Variants in STIM2 observed in about 807,000 individuals in gnomAD.
STIM2 encodes stromal interaction molecule 2.
A neutral mutation model predicts 85.8 loss-of-function variants in STIM2; 31 were observed. The observed-to-expected ratio is 0.36, with a 90% CI of 0.27 to 0.49. The LOEUF is 0.49. Ranked by LOEUF, STIM2 falls within the 20% of genes least tolerant of loss-of-function variation. STIM2 has a pLI of 0.98. For synonymous variants in STIM2, 356 were observed against 331.1 expected (o/e 1.08, Z -0.82); for missense variants, 841 against 927.6 (o/e 0.91, Z 1.21).
chr4:27,008,187 G>A (rs1728436513), intron 8 of STIM2, among the ~76,000 whole-genome samples: 1 of 151,698 alleles, frequency 6.6e-6, no homozygotes, highest in African/African-American at 2.4e-5. Flanking sequence ...CTGAACCATA[G>A]AAATAAGAGA....
chr4:26,989,983 T>C (rs554696424), intron 3 of STIM2, among the ~76,000 whole-genome samples: 2 of 152,288 alleles, frequency 1.3e-5, no homozygotes, highest in East Asian at 1.9e-4. Flanking sequence ...AGGAAAGATA[T>C]GCTTATGGAT....
chr4:27,002,496 A>G, intron 6 of STIM2, 102 bp downstream of exon 6: 2 of 852,530 alleles, frequency 2.3e-6, no homozygotes, highest in South Asian at 3.9e-5. Flanking sequence ...GTTATTATAC[A>G]CATCAGGAAT....
chr4:26,927,498 G>A lies in STIM2; in HGVS notation c.282+7864G>A, dbSNP rs1241146864. 1.7e-3 allele frequency among the ~76,000 whole-genome samples: 93 copies of A among 54,428 alleles called. 1 individual carries two copies. Among genetic ancestry groups the A allele is most frequent in the African/African-American group, 6.2e-3 (89 of 14,412 alleles). The allele number at this position is 54,428 out of a possible 152,430, so 35.7% of individuals were successfully genotyped here. On this transcript the variant is annotated intron_variant, in intron 2 of 11. Coordinates refer to ENST00000467087, the MANE Select transcript of STIM2 (RefSeq NM_020860.4). ...TGAACAATGAGATCACATGGACACA[G>A]GAAGGGGAATATCACACTCTGGGGA...
intron 1 of STIM2, among the ~76,000 whole-genome samples, chr4:26,864,332 G>A (rs1364070558): frequency 6.6e-6 from 1 of 152,002 alleles, no homozygotes; most frequent in Non-Finnish European, 1.5e-5. Flanking sequence ...TGAGAGCTTG[G>A]TGATTGTATT....
intron 1 of STIM2, among the ~76,000 whole-genome samples, chr4:26,892,281 T>C (rs1723520503): frequency 6.6e-6 from 1 of 152,200 alleles, no homozygotes; most frequent in South Asian, 2.1e-4. Context: ...TTCTCACAGC[T>C]CTGGAGGCTG....
At chr4:27,010,174 A>G (rs1728512956) in intron 10 of STIM2, among the ~76,000 whole-genome samples, 1 of 152,192 alleles carries the variant, frequency 6.6e-6, no homozygotes, top group South Asian at 2.1e-4. Context: ...TGATCAGGCC[A>G]GGCACGGTGG....
intron 2 of STIM2, among the ~76,000 whole-genome samples, chr4:26,946,345 T>C (rs1016188441): frequency 6.6e-6 from 1 of 152,240 alleles, no homozygotes; most frequent in Non-Finnish European, 1.5e-5. Flanking sequence ...TATAGGTGAT[T>C]ACTTAACAGA....
intron 2 of STIM2, among the ~76,000 whole-genome samples, chr4:26,934,679 C>T (rs150706795): frequency 1.3e-5 from 2 of 152,068 alleles, no homozygotes; most frequent in East Asian, 1.9e-4. Flanking sequence ...TTCGGGAGGC[C>T]GAGGTGGGTG....
intron 3 of STIM2, among the ~76,000 whole-genome samples, chr4:26,961,987 G>C (rs1726491188): frequency 6.6e-6 from 1 of 152,124 alleles, no homozygotes; most frequent in Non-Finnish European, 1.5e-5. Flanking sequence ...CTGGCCTCAA[G>C]CAGTCCTCCT....
At chr4:26,902,739 A>G (rs1000085504) in intron 1 of STIM2, among the ~76,000 whole-genome samples, 3 of 152,102 alleles carry the variant, frequency 2.0e-5, no homozygotes, top group African/African-American at 7.2e-5. Flanking sequence ...GCCCATTTCT[A>G]TCCATTTGAT....
chr4:26,881,484 A>G (rs561990238), intron 1 of STIM2: 4 of 147,314 alleles, frequency 2.7e-5, no homozygotes, highest in African/African-American at 9.9e-5. Flanking sequence ...AAAAAAAGCC[A>G]CTTTTGCCTT....
At chr4:26,966,566 C>T (rs944469704) in intron 3 of STIM2, among the ~76,000 whole-genome samples, 2 of 151,938 alleles carry the variant, frequency 1.3e-5, no homozygotes, top group South Asian at 2.1e-4. Flanking sequence ...ATTTTAATAG[C>T]GACTGTAATA....
At chr4:26,880,045 TC>T (rs1180730731) in intron 1 of STIM2, among the ~76,000 whole-genome samples, 1 of 152,160 alleles carries the variant, frequency 6.6e-6, no homozygotes, top group African/African-American at 2.4e-5. Flanking sequence ...GATAATTTTC[TC>T]CCCCCGCTTT....
intron 1 of STIM2, among the ~76,000 whole-genome samples, chr4:26,884,280 G>T (rs1190380842): frequency 6.6e-6 from 1 of 152,146 alleles, no homozygotes; most frequent in African/African-American, 2.4e-5. Context: ...GGCCATTTTA[G>T]TCAGGGTGAA....
At chr4:26,895,317 G>A (rs1723657913) in intron 1 of STIM2, among the ~76,000 whole-genome samples, 1 of 152,122 alleles carries the variant, frequency 6.6e-6, no homozygotes, top group South Asian at 2.1e-4. Context: ...AGGTCTTGCA[G>A]CTTGTTGTAT....
chr4:27,007,870 T>G, intron 8 of STIM2, 170 bp downstream of exon 8: 1 of 748,584 alleles, frequency 1.3e-6, no homozygotes, highest in Non-Finnish European at 2.2e-6. Flanking sequence ...AGCTTTAAAT[T>G]AAAATTACTG....
intron 2 of STIM2, among the ~76,000 whole-genome samples, chr4:26,930,284 A>T (rs930456641): frequency 6.6e-6 from 1 of 152,160 alleles, no homozygotes; most frequent in East Asian, 1.9e-4. Context: ...TGGAGTTCAC[A>T]TTGTTATTGC....
chr4:26,947,474 G>C (rs1342595320), intron 2 of STIM2, among the ~76,000 whole-genome samples: 3 of 152,148 alleles, frequency 2.0e-5, no homozygotes, highest in Non-Finnish European at 4.4e-5. Context: ...TGTGGGTGGG[G>C]AGTGGGGGAA....
chr4:26,873,672 C>CT (rs1722711564), intron 1 of STIM2: 1 of 723,258 alleles, frequency 1.4e-6, no homozygotes, highest in South Asian at 1.4e-5. Flanking sequence ...TGTCACCACT[C>CT]TCTTCTGCCA....
Sources: allele counts gnomAD v4.1 joint callset (sites outside exome capture counted in the v4.1 genomes callset), GRCh38; gene constraint gnomAD v4.1.1; transcripts MANE v1.5; gene names NCBI Gene and HGNC (gene_info 2026-07-23, HGNC 2026-07-21).